The following OPCML variants were observed in gnomAD, a reference collection of about 807,000 sequenced individuals.
The protein encoded by OPCML is opioid binding protein/cell adhesion molecule like.
OPCML carries 13 observed loss-of-function variants against 37.8 expected under a neutral mutation model. The observed-to-expected ratio is 0.34, with a 90% CI of 0.22 to 0.55. OPCML has a LOEUF of 0.55. OPCML is among the 20% of genes least tolerant of loss of function. The pLI is 0.91. For missense variants in OPCML, 341 were observed against 435.6 expected, an observed-to-expected ratio of 0.78 and a Z score of 1.93; for synonymous variants, 176 against 168.8, an observed-to-expected ratio of 1.04 and a Z score of -0.33.
intron 2 of OPCML, among the ~76,000 whole-genome samples, chr11:132,941,481 C>G (rs528016634): frequency 6.6e-6 from 1 of 152,322 alleles, no homozygotes; most frequent in East Asian, 1.9e-4. Flanking sequence ...TGTATTATAA[C>G]CCGTGTGCTG....
At chr11:132,957,475 T>C (rs1227386411) in intron 1 of OPCML, among the ~76,000 whole-genome samples, 1 of 152,108 alleles carries the variant, frequency 6.6e-6, no homozygotes, top group African/African-American at 2.4e-5. Flanking sequence ...TAGAGATAAA[T>C]AAATGTATAT....
At chr11:132,476,475 T>C (rs2096156132) in intron 4 of OPCML, among the ~76,000 whole-genome samples, 1 of 151,902 alleles carries the variant, frequency 6.6e-6, no homozygotes, top group Non-Finnish European at 1.5e-5. Flanking sequence ...ATTAAGAAAA[T>C]GTGGCACATA....
intron 4 of OPCML, among the ~76,000 whole-genome samples, chr11:132,503,050 G>A (rs2096248989): frequency 6.6e-6 from 1 of 152,188 alleles, no homozygotes; most frequent in South Asian, 2.1e-4. Context: ...AGGTCCCCTG[G>A]CAGCAGAGTC....
At chr11:132,566,295 T>C (rs181708156) in intron 3 of OPCML, among the ~76,000 whole-genome samples, 6 of 152,356 alleles carry the variant, frequency 3.9e-5, no homozygotes, top group Non-Finnish European at 1.5e-5. Flanking sequence ...AGCTAGAGCA[T>C]CTAATGCAGG....
chr11:132,763,883 C>G (rs576109320), intron 2 of OPCML, among the ~76,000 whole-genome samples: 1 of 152,232 alleles, frequency 6.6e-6, no homozygotes, highest in African/African-American at 2.4e-5. Context: ...ACAAAGAGAA[C>G]TCATTTTGCT....
intron 1 of OPCML, among the ~76,000 whole-genome samples, chr11:133,358,074 C>A (rs576864425): frequency 1.3e-5 from 2 of 152,194 alleles, no homozygotes; most frequent in Non-Finnish European, 2.9e-5. Flanking sequence ...ACAGCAATAT[C>A]GTCTTCATAG....
At chr11:132,712,646 C>A (rs1431238749) in intron 2 of OPCML, among the ~76,000 whole-genome samples, 1 of 152,220 alleles carries the variant, frequency 6.6e-6, no homozygotes, top group African/African-American at 2.4e-5. Context: ...AGGTTCATCA[C>A]GTTTCATTCG....
intron 2 of OPCML, among the ~76,000 whole-genome samples, chr11:132,748,924 T>A (rs1182738868): frequency 6.6e-6 from 1 of 152,128 alleles, no homozygotes; most frequent in Non-Finnish European, 1.5e-5. Flanking sequence ...GTAGAATTGG[T>A]GGGACATGTT....
chr11:133,078,608 G>C (rs1385383398), intron 1 of OPCML, among the ~76,000 whole-genome samples: 1 of 152,114 alleles, frequency 6.6e-6, no homozygotes, highest in Non-Finnish European at 1.5e-5. Context: ...CTGCTGTCTA[G>C]GCCCTTGACC....
intron 1 of OPCML, among the ~76,000 whole-genome samples, chr11:132,982,345 G>T (rs1565380633): frequency 6.6e-6 from 1 of 151,650 alleles, no homozygotes; most frequent in East Asian, 1.9e-4. Context: ...CCTCCTTAAC[G>T]CTTATACTGC....
At chr11:133,041,465 G>A (rs2136946348) in intron 1 of OPCML, among the ~76,000 whole-genome samples, 1 of 152,260 alleles carries the variant, frequency 6.6e-6, no homozygotes, top group East Asian at 1.9e-4. Context: ...CAGTCTCTCT[G>A]CACTTGTCAA....
At chr11:132,543,837 A>G (rs1461445017) in intron 3 of OPCML, among the ~76,000 whole-genome samples, 5 of 152,196 alleles carry the variant, frequency 3.3e-5, no homozygotes, top group Admixed American at 3.3e-4. Context: ...TCTAAGCATG[A>G]AGAAGTCAGC....
At chr11:133,039,993 C>T (rs771510819) in intron 1 of OPCML, among the ~76,000 whole-genome samples, 31 of 151,576 alleles carry the variant, frequency 2.0e-4, no homozygotes, top group Admixed American at 1.8e-3. Flanking sequence ...CACACCACTG[C>T]ACTACAGCCT....
Position 133,427,277 on chromosome 11 carries a change from A to G in OPCML, c.61+104987T>C, listed in dbSNP as rs533060574. On this transcript the variant is annotated intron_variant, in intron 1 of 7. Coordinates refer to ENST00000524381, the MANE Select transcript of OPCML (RefSeq NM_001012393.5). ...TGATCACATTTTTTGACCACATTACAATAAGAATAGAAAAATAAGAACAGT... is the reference window on the plus strand; with the variant it reads ...TGATCACATTTTTTGACCACATTACGATAAGAATAGAAAAATAAGAACAGT... 2.0e-5 allele frequency among the ~76,000 whole-genome samples: 3 copies of G among 152,246 alleles called. No individual in the cohort carries two copies. The South Asian group carries it at 6.2e-4, about 32-fold the overall frequency.
chr11:133,003,316 C>A (rs542659678), intron 1 of OPCML, among the ~76,000 whole-genome samples: 1 of 152,288 alleles, frequency 6.6e-6, no homozygotes, highest in Non-Finnish European at 1.5e-5. Flanking sequence ...CCAGGGAAGC[C>A]TTTCTTTGCC....
At chr11:133,260,870 T>C (rs773450467) in intron 1 of OPCML, among the ~76,000 whole-genome samples, 1 of 126,506 alleles carries the variant, frequency 7.9e-6, no homozygotes, top group Non-Finnish European at 1.6e-5. Context: ...CCTTAGTACA[T>C]AGATTTTTTT....
chr11:133,062,909 C>T (rs551181033), intron 1 of OPCML, among the ~76,000 whole-genome samples: 38 of 152,362 alleles, frequency 2.5e-4, no homozygotes, highest in African/African-American at 6.3e-4. Flanking sequence ...TGCAGCCAGC[C>T]GGCAGCTGCA....
At chr11:133,461,431 T>A (rs1271203129) in intron 1 of OPCML, among the ~76,000 whole-genome samples, 1 of 151,932 alleles carries the variant, frequency 6.6e-6, no homozygotes, top group Non-Finnish European at 1.5e-5. Context: ...TGGTGGTTGC[T>A]GTTCTATATA....
At chr11:132,751,007 C>G (rs1411944872) in intron 2 of OPCML, among the ~76,000 whole-genome samples, 1 of 151,910 alleles carries the variant, frequency 6.6e-6, no homozygotes, top group Non-Finnish European at 1.5e-5. Flanking sequence ...ACAAGTTGTT[C>G]GGAGGATAGA....
Sources: gnomAD v4.1 joint callset for allele counts (sites outside exome capture counted in the v4.1 genomes callset) on GRCh38, gnomAD v4.1.1 for gene constraint, MANE v1.5 for transcripts, NCBI Gene and HGNC (gene_info 2026-07-23, HGNC 2026-07-21) for gene names.